CUX1: variants seen among roughly 807,000 people sequenced by gnomAD.
CUX1 encodes cut like homeobox 1.
Under a neutral mutation model 158.8 loss-of-function variants are expected in CUX1, and 31 were observed. The observed-to-expected ratio is 0.20, with a 90% CI of 0.15 to 0.26. CUX1 has a LOEUF of 0.26. Ranked by LOEUF, CUX1 falls within the 10% of genes least tolerant of loss-of-function variation. The pLI is 1.00. For missense variants in CUX1, 1,589 were observed against 2,014.6 expected, an observed-to-expected ratio of 0.79 and a Z score of 4.04; for synonymous variants, 879 against 862.1, an observed-to-expected ratio of 1.02 and a Z score of -0.34.
At chr7:101,850,058 G>T (rs1047725946) in intron 1 of CUX1, among the ~76,000 whole-genome samples, 1 of 151,710 alleles carries the variant, frequency 6.6e-6, no homozygotes, top group African/African-American at 2.4e-5. Flanking sequence ...CTAGTAGCTG[G>T]GATTATAGGA....
At chr7:101,964,684 G>C (rs970501144) in intron 2 of CUX1, among the ~76,000 whole-genome samples, 10 of 152,146 alleles carry the variant, frequency 6.6e-5, no homozygotes, top group African/African-American at 2.4e-4. Flanking sequence ...TTCTCATCCA[G>C]CAAGCAAACC....
At chr7:102,199,777 C>T (rs1007001422) in intron 16 of CUX1, among the ~76,000 whole-genome samples, 2 of 152,186 alleles carry the variant, frequency 1.3e-5, no homozygotes, top group African/African-American at 4.8e-5. Flanking sequence ...TTTAATCACT[C>T]GCCTTTTATA....
chr7:101,984,077 CAAAA>C (rs1181549351), intron 2 of CUX1, among the ~76,000 whole-genome samples: 1 of 16,762 alleles, frequency 6.0e-5, no homozygotes, highest in Non-Finnish European at 1.0e-4. Context: ...TGTCCCCCCC[CAAAA>C]AAAAAAAAAT....
chr7:101,917,115 G>A (rs111419249), intron 2 of CUX1, among the ~76,000 whole-genome samples: 5 of 152,204 alleles, frequency 3.3e-5, no homozygotes, highest in South Asian at 4.1e-4. Context: ...AATCTTCTCC[G>A]TATCGTAGCT....
At chr7:102,167,740 C>T (rs1791210953) in intron 9 of CUX1, among the ~76,000 whole-genome samples, 1 of 152,140 alleles carries the variant, frequency 6.6e-6, no homozygotes, top group African/African-American at 2.4e-5. Flanking sequence ...TGGAAATAAA[C>T]TGGGAAAAAT....
At chr7:101,954,770 CA>C (rs1809553413) in intron 2 of CUX1, among the ~76,000 whole-genome samples, 1 of 152,230 alleles carries the variant, frequency 6.6e-6, no homozygotes, top group Non-Finnish European at 1.5e-5. Context: ...ATCATGAACA[CA>C]CCTAGTCTGA....
At chr7:101,917,556 G>C (rs761707311) in intron 2 of CUX1, among the ~76,000 whole-genome samples, 1 of 152,124 alleles carries the variant, frequency 6.6e-6, no homozygotes, top group African/African-American at 2.4e-5. Flanking sequence ...GGAGTGGGGG[G>C]CCCTATTCTC....
chr7:102,050,910 C>T (rs559005382), intron 3 of CUX1, among the ~76,000 whole-genome samples: 1 of 152,190 alleles, frequency 6.6e-6, no homozygotes, highest in East Asian at 1.9e-4. Flanking sequence ...CTGGAATCAG[C>T]TCCCTCCTTC....
chr7:101,915,746 G>A (rs947118395), intron 1 of CUX1, among the ~76,000 whole-genome samples: 5 of 152,338 alleles, frequency 3.3e-5, no homozygotes, highest in Non-Finnish European at 7.4e-5. Flanking sequence ...AAGAAGAGGC[G>A]TGGAGCAACT....
chr7:102,083,823 A>G (rs1294720051), intron 4 of CUX1, among the ~76,000 whole-genome samples: 1 of 147,036 alleles, frequency 6.8e-6, no homozygotes, highest in Non-Finnish European at 1.5e-5. Context: ...GTTTATTTCT[A>G]AGTTTAAGTC....
rs1223155002 is a variant in CUX1, at chr7:102,251,027, G to A, written c.*1985G>A. The A allele has an allele frequency of 1.0e-6, 1 of 979,978 alleles. No homozygotes were observed. The highest frequency in any genetic ancestry group is 6.2e-5 in the Admixed American group (1 of 16,230). The allele number at this position is 979,978 out of a possible 1,614,324, so 60.7% of individuals were successfully genotyped here. A position where few individuals can be genotyped will look rare whatever the true frequency, so the allele number is the denominator to read the frequency against. On this transcript the variant is annotated 3_prime_UTR_variant, in exon 24 of 24. Transcript: ENST00000292535. Reference sequence around the variant, plus strand: ...TATTTTATTATCTGATTGTTAGGAAGGGATGAAAGGGGCAAATATTCTTTA... The same window carrying A: ...TATTTTATTATCTGATTGTTAGGAAAGGATGAAAGGGGCAAATATTCTTTA...
chr7:102,075,666 G>A (rs1826628110), intron 4 of CUX1, among the ~76,000 whole-genome samples: 1 of 152,178 alleles, frequency 6.6e-6, no homozygotes, highest in African/African-American at 2.4e-5. Flanking sequence ...ACCCTCCCGA[G>A]GTTGAAGCTT....
chr7:102,096,058 T>C (rs1349289731), intron 4 of CUX1, among the ~76,000 whole-genome samples: 2 of 152,254 alleles, frequency 1.3e-5, no homozygotes, highest in Admixed American at 1.3e-4. Flanking sequence ...TGGATTAAAA[T>C]CCAGTTTTCT....
At chr7:101,967,548 G>A (rs572879477) in intron 2 of CUX1, among the ~76,000 whole-genome samples, 1 of 152,296 alleles carries the variant, frequency 6.6e-6, no homozygotes, top group African/African-American at 2.4e-5. Context: ...GCCTGCAACT[G>A]CTTTAAAGAA....
intron 8 of CUX1, among the ~76,000 whole-genome samples, chr7:102,155,612 T>C (rs993429563): frequency 6.6e-6 from 1 of 152,176 alleles, no homozygotes; most frequent in Non-Finnish European, 1.5e-5. Context: ...CAAGCTTTTA[T>C]TTTGTGTCTG....
chr7:101,852,667 ATTTTTTTTTTTTTT>A (rs71106571), intron 1 of CUX1, among the ~76,000 whole-genome samples: 1 of 75,994 alleles, frequency 1.3e-5, no homozygotes, highest in South Asian at 6.9e-4. Context: ...CTGCGTTGGA[ATTTTTTTTTTTTTT>A]TTTTTTTTTT....
At chr7:102,074,837 C>T (rs537509745) in intron 4 of CUX1, among the ~76,000 whole-genome samples, 1 of 152,310 alleles carries the variant, frequency 6.6e-6, no homozygotes, top group East Asian at 1.9e-4. Context: ...AGCATCACCT[C>T]CCACCTTACT....
chr7:102,020,956 C>G (rs1430970258), intron 2 of CUX1, among the ~76,000 whole-genome samples: 1 of 151,890 alleles, frequency 6.6e-6, no homozygotes, highest in Non-Finnish European at 1.5e-5. Context: ...GGAGAATTAC[C>G]CCAGATGAGG....
chr7:102,105,076 C>G (rs1830190020), intron 6 of CUX1, among the ~76,000 whole-genome samples: 1 of 152,092 alleles, frequency 6.6e-6, no homozygotes, highest in African/African-American at 2.4e-5. Context: ...GGGCTGAGAC[C>G]AGAGAGGAAA....
Sources: gnomAD v4.1 joint callset for allele counts (sites outside exome capture counted in the v4.1 genomes callset) on GRCh38, gnomAD v4.1.1 for gene constraint, MANE v1.5 for transcripts, NCBI Gene and HGNC (gene_info 2026-07-23, HGNC 2026-07-21) for gene names.